Variants in PIK3CB observed in about 807,000 individuals in gnomAD.
PIK3CB encodes the protein phosphatidylinositol 4,5-bisphosphate 3-kinase catalytic subunit beta isoform.
Under a neutral mutation model 136.8 loss-of-function variants are expected in PIK3CB, and 39 were observed. The observed-to-expected ratio is 0.29, with a 90% CI of 0.22 to 0.37. PIK3CB has a LOEUF of 0.37. PIK3CB is among the 10% of genes least tolerant of loss of function. The probability of loss-of-function intolerance (pLI) is 1.00; values close to 1 mark genes in which losing one functional copy is unlikely to be tolerated. For missense variants in PIK3CB, 868 were observed against 1,275.4 expected (o/e 0.68, Z 4.87); for synonymous variants, 428 against 436.6 (o/e 0.98, Z 0.25).
chr3:138,716,190 A>G (rs1397635901), intron 8 of PIK3CB, among the ~76,000 whole-genome samples: 1 of 152,196 alleles, frequency 6.6e-6, no homozygotes, highest in African/African-American at 2.4e-5. Context: ...TCAGGTCACT[A>G]GGAATTTATA....
chr3:138,717,219 A>C (rs180935540), intron 8 of PIK3CB, among the ~76,000 whole-genome samples: 2 of 149,900 alleles, frequency 1.3e-5, no homozygotes, highest in Non-Finnish European at 3.0e-5. Flanking sequence ...GTGCCACTGC[A>C]CTCCAGTCTG....
chr3:138,751,876 C>A (rs566166426), intron 4 of PIK3CB, among the ~76,000 whole-genome samples: 9 of 150,402 alleles, frequency 6.0e-5, no homozygotes, highest in African/African-American at 2.0e-4. Context: ...GAGGCTCAGG[C>A]ATGAGAATCA....
At chr3:138,659,574 A>C (rs2043251450) in intron 21 of PIK3CB, among the ~76,000 whole-genome samples, 1 of 152,120 alleles carries the variant, frequency 6.6e-6, no homozygotes, top group African/African-American at 2.4e-5. Flanking sequence ...TTTTCCCTCA[A>C]AATTATGAAG....
chr3:138,657,985 G>C, intron 21 of PIK3CB, 150 bp from the exon 22 acceptor site: 1 of 622,970 alleles, frequency 1.6e-6, no homozygotes, highest in Non-Finnish European at 2.7e-6. Context: ...AGCCAGGTGA[G>C]AAGAGACCAT....
intron 2 of PIK3CB, among the ~76,000 whole-genome samples, chr3:138,770,997 A>G (rs2045792381): frequency 6.6e-6 from 1 of 152,056 alleles, no homozygotes; most frequent in Non-Finnish European, 1.5e-5. Flanking sequence ...GGTGTGAGCC[A>G]CTGCACCTGG....
At chr3:138,659,466 G>A (rs2043248828) in intron 21 of PIK3CB, among the ~76,000 whole-genome samples, 1 of 151,868 alleles carries the variant, frequency 6.6e-6, no homozygotes, top group Admixed American at 6.6e-5. Flanking sequence ...GCAGTGAGCC[G>A]GGATCACGCC....
In PIK3CB at chr3:138,657,933, C is replaced by T. The variant is rs538795485; in HGVS notation, c.2797-98G>A. 5 of 1,139,896 alleles carry T rather than the reference C, an allele frequency of 4.4e-6. No individual in the cohort carries two copies. In the South Asian group the frequency reaches 6.2e-5, roughly 14 times the overall value. The allele number at this position is 1,139,896 out of a possible 1,614,324, so 70.6% of individuals were successfully genotyped here. ...GTCCTAGACCCCCAGGAACTATACC[C>T]ATCCACATCTGAGCCCTTCTCCCTC... On this transcript the variant is annotated intron_variant, in intron 21 of 23. Coordinates refer to ENST00000674063, the MANE Select transcript of PIK3CB (RefSeq NM_006219.3).
At chr3:138,661,448 T>C (rs1176751790) in intron 21 of PIK3CB, among the ~76,000 whole-genome samples, 1 of 152,248 alleles carries the variant, frequency 6.6e-6, no homozygotes, top group Non-Finnish European at 1.5e-5. Context: ...TCTCACTTTC[T>C]ATCACCCCGA....
intron 8 of PIK3CB, among the ~76,000 whole-genome samples, chr3:138,732,561 C>T (rs2108637105): frequency 6.6e-6 from 1 of 152,186 alleles, no homozygotes; most frequent in Non-Finnish European, 1.5e-5. Flanking sequence ...ATGCTTTATA[C>T]TCTGAGACAA....
At chr3:138,689,758 G>C (rs2108502619) in intron 15 of PIK3CB, among the ~76,000 whole-genome samples, 1 of 152,300 alleles carries the variant, frequency 6.6e-6, no homozygotes, top group Admixed American at 6.5e-5. Context: ...TCTATAGTTA[G>C]TTAATACTTC....
intron 1 of PIK3CB, among the ~76,000 whole-genome samples, chr3:138,806,053 T>C (rs1402606897): frequency 6.6e-6 from 1 of 151,980 alleles, no homozygotes; most frequent in East Asian, 1.9e-4. Flanking sequence ...TAAAGGATTC[T>C]TCCCCTTACA....
At chr3:138,656,891 CT>C (rs1290839272) in intron 22 of PIK3CB, among the ~76,000 whole-genome samples, 1 of 152,156 alleles carries the variant, frequency 6.6e-6, no homozygotes, top group Non-Finnish European at 1.5e-5. Flanking sequence ...CCTCAGCCTC[CT>C]GAGTAGCTGA....
chr3:138,748,373 C>T (rs577761183), intron 4 of PIK3CB, among the ~76,000 whole-genome samples: 3 of 151,990 alleles, frequency 2.0e-5, no homozygotes, highest in African/African-American at 4.8e-5. Context: ...GAAACCTTCC[C>T]TTTTTTTTCA....
At chr3:138,699,679 A>G (rs532134318) in intron 12 of PIK3CB, among the ~76,000 whole-genome samples, 46 of 152,336 alleles carry the variant, frequency 3.0e-4, no homozygotes, top group African/African-American at 1.0e-3. Flanking sequence ...GAAAATATAC[A>G]GTGGGAATGG....
At chr3:138,774,337 C>T (rs2045833829) in intron 2 of PIK3CB, among the ~76,000 whole-genome samples, 1 of 152,140 alleles carries the variant, frequency 6.6e-6, no homozygotes, top group Non-Finnish European at 1.5e-5. Flanking sequence ...TTTTTAATCA[C>T]TTTAGGTAAC....
chr3:138,736,321 A>G (rs2045102214), intron 6 of PIK3CB, among the ~76,000 whole-genome samples: 1 of 152,242 alleles, frequency 6.6e-6, no homozygotes, highest in Non-Finnish European at 1.5e-5. Context: ...ATTGAGGGCC[A>G]CACCAGAAAC....
intron 8 of PIK3CB, among the ~76,000 whole-genome samples, chr3:138,716,559 A>C (rs1030467311): frequency 6.6e-6 from 1 of 152,152 alleles, no homozygotes; most frequent in African/African-American, 2.4e-5. Context: ...GAAAAACAGT[A>C]TAACGCAACA....
intron 2 of PIK3CB, among the ~76,000 whole-genome samples, chr3:138,790,484 A>G (rs2046035532): frequency 6.6e-6 from 1 of 150,942 alleles, no homozygotes; most frequent in African/African-American, 2.4e-5. Flanking sequence ...TAAATTTTAT[A>G]TTGTGTGTAT....
At position 138,719,749 on chromosome 3, in the gene PIK3CB, G is replaced by A. The variant is rs541958987; in HGVS notation, c.1051-5030C>T. 3.3e-5 allele frequency among the ~76,000 whole-genome samples: 5 copies of A among 152,178 alleles called. No homozygotes were observed. In the East Asian group the frequency reaches 7.7e-4, roughly 23 times the overall value. The stretch of plus-strand genomic sequence containing the variant: ...GTATCAGCTCTGTATCATCTCCAGA[G>A]AAGTCTTTCAAGGCTGAAGAAATAA... On this transcript the variant is annotated intron_variant, in intron 8 of 23. Transcript: ENST00000674063.
Sources: gnomAD v4.1 joint callset for allele counts (sites outside exome capture counted in the v4.1 genomes callset) on GRCh38, gnomAD v4.1.1 for gene constraint, MANE v1.5 for transcripts, NCBI Gene and HGNC (gene_info 2026-07-23, HGNC 2026-07-21) for gene names.